The following ARMC9 variants were observed in gnomAD, a reference collection of about 807,000 sequenced individuals.
The protein encoded by ARMC9 is lisH domain-containing protein ARMC9.
Under a neutral mutation model 107.0 loss-of-function variants are expected in ARMC9, and 94 were observed. That is an observed-to-expected ratio of 0.88 (90% confidence interval 0.74 to 1.04). The LOEUF (loss-of-function observed/expected upper bound fraction) is 1.04. ARMC9 is among the 50% of genes least tolerant of loss of function. The probability of loss-of-function intolerance (pLI) is 0.00; values close to 1 mark genes in which losing one functional copy is unlikely to be tolerated. For synonymous variants in ARMC9, 380 were observed against 396.9 expected, an observed-to-expected ratio of 0.96 and a Z score of 0.51; for missense variants, 942 against 1,030.1, an observed-to-expected ratio of 0.91 and a Z score of 1.17.
chr2:231,213,164 CT>C (rs72180870), intron 3 of ARMC9, among the ~76,000 whole-genome samples: 199 of 137,594 alleles, frequency 1.4e-3, no homozygotes, highest in Non-Finnish European at 2.2e-3. Flanking sequence ...AACGTTTTTT[CT>C]TTTTTTTTTT....
At chr2:231,316,538 A>G (rs2042690520) in intron 19 of ARMC9, among the ~76,000 whole-genome samples, 1 of 151,798 alleles carries the variant, frequency 6.6e-6, no homozygotes. Context: ...GGCACATGCT[A>G]CTTGGGAGGC....
At position 231,336,577 on chromosome 2, in the gene ARMC9, G is replaced by A. The variant is rs149303323; in HGVS notation, c.1878+4680G>A. 4.5e-3 allele frequency among the ~76,000 whole-genome samples: 687 copies of A among 152,272 alleles called. 5 individuals carry two copies. The highest frequency in any genetic ancestry group is 0.016 in the African/African-American group (645 of 41,536). On this transcript the variant is annotated intron_variant, in intron 20 of 24. Transcript: ENST00000611582. ...TAATAACTATATGATCTATGTTTTC[G>A]TCACAGACTCAGTTTTGGGGGAAAT...
chr2:231,213,288 C>T (rs1289340939), intron 3 of ARMC9, among the ~76,000 whole-genome samples: 5 of 151,380 alleles, frequency 3.3e-5, no homozygotes, highest in East Asian at 1.9e-4. Context: ...CTCAGCCTCC[C>T]GGGTAGCTGG....
At chr2:231,261,884 G>A (rs13418595) in intron 11 of ARMC9, among the ~76,000 whole-genome samples, 31,708 of 150,946 alleles carry the variant, frequency 0.21, 3,532 homozygotes, top group African/African-American at 0.22. Context: ...GTGCAGTGGC[G>A]CGATCTCGGC....
chr2:231,320,890 C>T (rs970081210), intron 19 of ARMC9, among the ~76,000 whole-genome samples: 1 of 152,170 alleles, frequency 6.6e-6, no homozygotes, highest in Non-Finnish European at 1.5e-5. Context: ...TCTATACCTG[C>T]CAGAGACCCA....
chr2:231,361,643 C>T (rs1047018655), intron 23 of ARMC9, among the ~76,000 whole-genome samples: 4 of 152,110 alleles, frequency 2.6e-5, no homozygotes, highest in African/African-American at 9.7e-5. Flanking sequence ...GAGAAACCTG[C>T]TCAGGGAGAG....
chr2:231,261,869 C>T (rs2125412966), intron 11 of ARMC9, among the ~76,000 whole-genome samples: 1 of 152,034 alleles, frequency 6.6e-6, no homozygotes, highest in African/African-American at 2.4e-5. Context: ...GTCGCCCAGG[C>T]TGGAGTGCAG....
Position 231,252,439 on chromosome 2 carries a change from G to C in ARMC9, c.880-4147G>C, listed in dbSNP as rs184320488. 2.6e-5 allele frequency among the ~76,000 whole-genome samples: 4 copies of C among 152,124 alleles called. No individual in the cohort carries two copies. In the East Asian group the frequency reaches 7.7e-4, roughly 29 times the overall value. On this transcript the variant is annotated intron_variant, in intron 9 of 24. Coordinates refer to ENST00000611582, the MANE Select transcript of ARMC9 (RefSeq NM_001352754.2). ...TAATTTTTGTACTTTTAGTGGAGACGGGGTTTCACCATGTTGGTCAGGCTG... is the reference window on the plus strand; with the variant it reads ...TAATTTTTGTACTTTTAGTGGAGACCGGGTTTCACCATGTTGGTCAGGCTG...
intron 9 of ARMC9, among the ~76,000 whole-genome samples, chr2:231,248,550 G>T (rs6437010): frequency 6.6e-6 from 1 of 151,776 alleles, no homozygotes; most frequent in Non-Finnish European, 1.5e-5. Flanking sequence ...TGGCTTACAC[G>T]TGTAATCCCA....
Position 231,282,050 on chromosome 2 carries a change from C to G in ARMC9, c.1552-9C>G. 2 of 1,613,604 alleles carry G rather than the reference C, an allele frequency of 1.2e-6. No homozygotes were observed. The highest frequency in any genetic ancestry group is 2.7e-5 in the African/African-American group (2 of 74,984). On this transcript the variant is annotated splice_polypyrimidine_tract_variant and intron_variant, in intron 16 of 24. Transcript: ENST00000611582. ...TTGCAAATAACTGGTTTTTTTCCTC[C>G]CCTTAAAGATACAGCCGTATGTGAA...
intron 20 of ARMC9, among the ~76,000 whole-genome samples, chr2:231,337,290 A>ATATATATATATATATATATTT (rs1343774735): frequency 5.3e-5 from 2 of 38,028 alleles, no homozygotes; most frequent in African/African-American, 2.4e-4. Context: ...ATATATATAT[A>ATATATATATATATATATATTT]TTTTTTTTTT....
At chr2:231,274,278 C>A (rs972383633) in intron 14 of ARMC9, among the ~76,000 whole-genome samples, 2 of 152,046 alleles carry the variant, frequency 1.3e-5, no homozygotes, top group Non-Finnish European at 2.9e-5. Context: ...CCACCACACC[C>A]GGCTAATTTT....
chr2:231,214,842 C>T lies in ARMC9; in HGVS notation c.189C>T (p.Val63=), dbSNP rs200269213. ...TGTCTTCTCCACAGAAGGATCTTGTCGCTGCATTTGACAACGGAGACCAGA... is the reference window on the plus strand; with the variant it reads ...TGTCTTCTCCACAGAAGGATCTTGTTGCTGCATTTGACAACGGAGACCAGA... ...SKSLTIQKDL[V]AAFDNGDQKV... is the part of the protein sequence containing the mutation. Residue 63 remains valine, a synonymous_variant, in exon 4 of 25, where the codon GTC becomes GTT. Transcript: ENST00000611582. The T allele has an allele frequency of 8.7e-6, 14 of 1,613,870 alleles. No individual in the cohort carries two copies. The highest frequency in any genetic ancestry group is 1.3e-5 in the African/African-American group (1 of 75,020).
chr2:231,350,555 G>A lies in ARMC9; in HGVS notation c.1995-5243G>A, dbSNP rs188452418. ...GAGCATTGCTTCAGTCCCAGAGGTC[G>A]TGGCTGCAGTGAGCTGTGATTGTGC... is the stretch of plus-strand genomic sequence containing the variant. On this transcript the variant is annotated intron_variant, in intron 21 of 24. Transcript: ENST00000611582. 3.0e-3 allele frequency among the ~76,000 whole-genome samples: 455 copies of A among 150,818 alleles called. 1 individual carries two copies. The highest frequency in any genetic ancestry group is 0.011 in the African/African-American group (432 of 40,898).
chr2:231,345,701 G>T (rs1263328986), intron 21 of ARMC9, among the ~76,000 whole-genome samples: 1 of 152,084 alleles, frequency 6.6e-6, no homozygotes, highest in East Asian at 1.9e-4. Context: ...CTGTGGTCTG[G>T]GTGGCCTCTC....
At chr2:231,322,452 T>G (rs906955277) in intron 19 of ARMC9, among the ~76,000 whole-genome samples, 1 of 152,264 alleles carries the variant, frequency 6.6e-6, no homozygotes, top group African/African-American at 2.4e-5. Flanking sequence ...CCGGATACTT[T>G]CACTTGTCAT....
intron 5 of ARMC9, among the ~76,000 whole-genome samples, chr2:231,221,343 T>C (rs1375556394): frequency 6.6e-6 from 1 of 152,122 alleles, no homozygotes; most frequent in Non-Finnish European, 1.5e-5. Flanking sequence ...CACACCCTAC[T>C]CCAGTGTGAC....
intron 21 of ARMC9, among the ~76,000 whole-genome samples, chr2:231,354,943 G>A (rs1335332882): frequency 1.3e-5 from 2 of 152,234 alleles, no homozygotes; most frequent in East Asian, 3.8e-4. Flanking sequence ...GAAGCTCTCA[G>A]CACTTGTCTG....
At chr2:231,353,612 G>C (rs2045198569) in intron 21 of ARMC9, among the ~76,000 whole-genome samples, 1 of 151,256 alleles carries the variant, frequency 6.6e-6, no homozygotes, top group Non-Finnish European at 1.5e-5. Flanking sequence ...AAACAGCCAA[G>C]CCAGAGTCCA....
Sources: allele counts gnomAD v4.1 joint callset (sites outside exome capture counted in the v4.1 genomes callset), GRCh38; gene constraint gnomAD v4.1.1; transcripts MANE v1.5; gene names NCBI Gene and HGNC (gene_info 2026-07-23, HGNC 2026-07-21).